DDX24: variants seen among roughly 807,000 people sequenced by gnomAD.
DDX24 encodes ATP-dependent RNA helicase DDX24.
In DDX24, 24 loss-of-function variants were observed where a neutral mutation model predicts 68.9. The ratio of observed to expected loss-of-function variants is 0.35; its 90% CI spans 0.25 to 0.49. DDX24 has a LOEUF of 0.49. Ranked by LOEUF, DDX24 falls within the 20% of genes least tolerant of loss-of-function variation. DDX24 has a pLI of 0.99. For synonymous variants in DDX24, 395 were observed against 385.2 expected, an observed-to-expected ratio of 1.03 and a Z score of -0.30; for missense variants, 989 against 1,039.0, an observed-to-expected ratio of 0.95 and a Z score of 0.66.
intron 7 of DDX24, 28 bp downstream of exon 7, chr14:94,054,968 T>C (rs1179847905): frequency 6.2e-7 from 1 of 1,608,380 alleles, no homozygotes; most frequent in Admixed American, 1.7e-5. Flanking sequence ...ATCCCTTCAT[T>C]AGCACTGGGG....
chr14:94,055,352 A>C (rs1885473481), intron 6 of DDX24, 168 bp from the exon 7 acceptor site: 1 of 671,510 alleles, frequency 1.5e-6, no homozygotes, highest in Non-Finnish European at 2.5e-6. Context: ...CCACATTCAA[A>C]ATGTTCCCAG....
intron 2 of DDX24, among the ~76,000 whole-genome samples, chr14:94,074,498 A>T (rs1375994642): frequency 6.6e-6 from 1 of 152,250 alleles, no homozygotes; most frequent in Non-Finnish European, 1.5e-5. Context: ...GTAAAAAAGC[A>T]TTTGAAAAAT....
intron 2 of DDX24, among the ~76,000 whole-genome samples, chr14:94,063,041 T>A (rs887463881): frequency 6.6e-6 from 1 of 152,230 alleles, no homozygotes; most frequent in Admixed American, 6.5e-5. Flanking sequence ...AAAACTTTTG[T>A]CTATGCCTGA....
chr14:94,058,175 A>G (rs1885525293), intron 5 of DDX24, among the ~76,000 whole-genome samples: 1 of 152,186 alleles, frequency 6.6e-6, no homozygotes, highest in Non-Finnish European at 1.5e-5. Flanking sequence ...TCAGTGAGTT[A>G]AATGAGGCCA....
At chr14:94,055,949 G>C (rs1349991627) in intron 6 of DDX24, 1 of 152,172 alleles carries the variant, frequency 6.6e-6, no homozygotes, top group East Asian at 1.9e-4. Context: ...TTTTTAGAAA[G>C]TACTTTCCAA....
At position 94,060,086 on chromosome 14, in the gene DDX24, G is replaced by C; in HGVS notation, c.1913+12C>G. 6.2e-7 allele frequency: 1 copy of C among 1,607,104 alleles called. No homozygotes were observed. Among genetic ancestry groups the C allele is most frequent in the East Asian group, 2.2e-5 (1 of 44,768 alleles). On this transcript the variant is annotated intron_variant, in intron 5 of 8. Coordinates refer to ENST00000621632, the MANE Select transcript of DDX24 (RefSeq NM_020414.4). ...ACTAGAGGTTAAGCCTCTGGGGACA[G>C]TCCTAACTTACTCTTCCAGACGGGC... is the stretch of plus-strand genomic sequence containing the variant.
intron 2 of DDX24, among the ~76,000 whole-genome samples, chr14:94,066,216 T>A (rs981216884): frequency 6.6e-6 from 1 of 152,114 alleles, no homozygotes; most frequent in Non-Finnish European, 1.5e-5. Context: ...GGCCCATGAC[T>A]GCTGGCTTTC....
rs1414303033 is a variant in DDX24 at position 94,079,558 on chromosome 14, G to A, written c.185C>T (p.Ala62Val). ...TGAGAAGAGACTGGAGGGATTCTTGGCAGGGGAGACCAACTGGTAATCTGT... is the reference window on the plus strand; with the variant it reads ...TGAGAAGAGACTGGAGGGATTCTTGACAGGGGAGACCAACTGGTAATCTGT... ...ELTDYQLVSPAKNPSSLFSKE... is the reference protein window; with the variant it reads ...ELTDYQLVSPVKNPSSLFSKE... Residue 62 changes from alanine to valine, a missense_variant, in exon 2 of 9, where the codon GCC becomes GTC. This residue lies in a region of DDX24 where 295 missense variants were observed against 263.0 expected (regional missense o/e 1.12). Coordinates refer to ENST00000621632, the MANE Select transcript of DDX24 (RefSeq NM_020414.4). 6.2e-7 allele frequency: 1 copy of A among 1,614,100 alleles called. No individual in the cohort carries two copies. Among genetic ancestry groups the A allele is most frequent in the East Asian group, 2.2e-5 (1 of 44,882 alleles).
intron 5 of DDX24, among the ~76,000 whole-genome samples, chr14:94,059,377 G>A (rs1012235764): frequency 3.3e-5 from 5 of 152,196 alleles, no homozygotes; most frequent in Non-Finnish European, 7.3e-5. Context: ...TCTGAGGTCC[G>A]ACAGGCTTGT....
chr14:94,071,374 C>A (rs146134116), intron 2 of DDX24, among the ~76,000 whole-genome samples: 2 of 152,334 alleles, frequency 1.3e-5, no homozygotes, highest in East Asian at 3.9e-4. Flanking sequence ...GGCAGCCAGG[C>A]ACGGTTGCTC....
rs1885471400 is a variant in DDX24 at position 94,055,250 on chromosome 14, C to T, written c.1990-66G>A. ...CCAAACACTGGTCCTCTCCTCAGGG[C>T]CACATCCCCAAACCAGACCCTCCTA... is the stretch of plus-strand genomic sequence containing the variant. On this transcript the variant is annotated intron_variant, in intron 6 of 8. Transcript: ENST00000621632. 8 of 1,533,802 alleles carry T rather than the reference C, an allele frequency of 5.2e-6. No homozygotes were observed. The South Asian group carries it at 8.6e-5, about 16-fold the overall frequency.
intron 6 of DDX24, chr14:94,055,608 AAC>A (rs1425861350): frequency 7.8e-5 from 14 of 178,696 alleles, no homozygotes; most frequent in African/African-American, 2.1e-4. Flanking sequence ...AATCAAGCAC[AAC>A]AGTCTTCTCC....
chr14:94,060,537 G>A lies in DDX24; in HGVS notation c.1474C>T (p.Leu492Phe), dbSNP rs765132626. 1.9e-6 allele frequency: 3 copies of A among 1,614,174 alleles called. No individual in the cohort carries two copies. The highest frequency in any genetic ancestry group is 1.3e-5 in the African/African-American group (1 of 75,026). The change falls in exon 5 of 9, where the codon CTC becomes TTC. Residue 492 changes from leucine (L) to phenylalanine (F), a missense_variant. Physicochemically the swap from Leu to Phe is conservative, Grantham distance 22 (BLOSUM62 0). This residue lies in a region of DDX24 where 691 missense variants were observed against 760.0 expected (regional missense o/e 0.91). Coordinates refer to ENST00000621632, the MANE Select transcript of DDX24 (RefSeq NM_020414.4). ...FAELSQLLEM[L>F]NDSQYNPKRQ... ...TTTGGGTTGTATTGGGAGTCATTGA[G>A]CATCTCTAGCAGCTGTGAGAGCTCA...
At chr14:94,066,184 G>A (rs1337618645) in intron 2 of DDX24, among the ~76,000 whole-genome samples, 1 of 152,022 alleles carries the variant, frequency 6.6e-6, no homozygotes, top group Non-Finnish European at 1.5e-5. Context: ...ACTGCCCTTC[G>A]GTTTGTGAGG....
Position 94,051,057 on chromosome 14 carries a change from CT to C in DDX24, c.*133del. ...GCAAATCTGCATGAGGTCTCTCCCG[CT>C]ATGGGTGTGAGTGGAAGAGAGGGAG... On this transcript the variant is annotated 3_prime_UTR_variant, in exon 9 of 9. Coordinates refer to ENST00000621632, the MANE Select transcript of DDX24 (RefSeq NM_020414.4). The C allele has an allele frequency of 9.3e-7, 1 of 1,072,450 alleles. No individual in the cohort carries two copies. Among genetic ancestry groups the C allele is most frequent in the Non-Finnish European group, 1.3e-6 (1 of 763,910 alleles). The allele number at this position is 1,072,450 out of a possible 1,614,324, so 66.4% of individuals were successfully genotyped here.
At chr14:94,054,967 T>C in intron 7 of DDX24, 29 bp downstream of exon 7, 1 of 1,608,138 alleles carries the variant, frequency 6.2e-7, no homozygotes, top group Non-Finnish European at 8.5e-7. Context: ...AATCCCTTCA[T>C]TAGCACTGGG....
At chr14:94,080,357 T>G (rs1482189930) in intron 1 of DDX24, among the ~76,000 whole-genome samples, 1 of 152,214 alleles carries the variant, frequency 6.6e-6, no homozygotes, top group Non-Finnish European at 1.5e-5. Context: ...AGTGGCTTAA[T>G]GGCCATTTAG....
At chr14:94,077,217 C>T (rs1167466808) in intron 2 of DDX24, among the ~76,000 whole-genome samples, 1 of 152,150 alleles carries the variant, frequency 6.6e-6, no homozygotes, top group Non-Finnish European at 1.5e-5. Context: ...GGGACCAATG[C>T]CCCTAATCCC....
chr14:94,068,841 AC>A (rs1365710092), intron 2 of DDX24, among the ~76,000 whole-genome samples: 1 of 152,194 alleles, frequency 6.6e-6, no homozygotes, highest in Non-Finnish European at 1.5e-5. Context: ...ACGTATCAAA[AC>A]CTCTAGGATA....
Sources: allele counts gnomAD v4.1 joint callset (sites outside exome capture counted in the v4.1 genomes callset), GRCh38; gene constraint gnomAD v4.1.1; regional missense constraint gnomAD v4.1.1; transcripts MANE v1.5; gene names NCBI Gene and HGNC (gene_info 2026-07-23, HGNC 2026-07-21).